The following ULK4 variants were observed in gnomAD, a reference collection of about 807,000 sequenced individuals.
ULK4 encodes unc-51 like kinase 4.
In ULK4, 133 loss-of-function variants were observed where a neutral mutation model predicts 160.6. The ratio of observed to expected loss-of-function variants is 0.83; its 90% confidence interval spans 0.72 to 0.96. ULK4 has a LOEUF of 0.96. ULK4 is among the 40% of genes least tolerant of loss of function. ULK4 has a pLI of 0.00. For missense variants in ULK4, 1,580 were observed against 1,499.5 expected (o/e 1.05, Z -0.89); for synonymous variants, 534 against 539.8 (o/e 0.99, Z 0.15).
intron 31 of ULK4, among the ~76,000 whole-genome samples, chr3:41,614,059 G>T (rs1158758851): frequency 6.6e-6 from 1 of 152,204 alleles, no homozygotes; most frequent in Admixed American, 6.5e-5. Context: ...AGTATACAGA[G>T]ATTAATCAAG....
At chr3:41,768,961 A>G (rs188725183) in intron 21 of ULK4, among the ~76,000 whole-genome samples, 28 of 152,268 alleles carry the variant, frequency 1.8e-4, no homozygotes, top group African/African-American at 6.5e-4. Context: ...ACTGTAAATC[A>G]AAAAAATCCT....
chr3:41,728,022 G>A (rs1237403222), intron 22 of ULK4, among the ~76,000 whole-genome samples: 1 of 152,188 alleles, frequency 6.6e-6, no homozygotes, highest in Non-Finnish European at 1.5e-5. Flanking sequence ...TACTAATATA[G>A]GTAAAGACTG....
chr3:41,516,334 ATGTT>A (rs748006330), intron 32 of ULK4, among the ~76,000 whole-genome samples: 103 of 152,348 alleles, frequency 6.8e-4, no homozygotes, highest in African/African-American at 2.4e-3. Flanking sequence ...ACTTCTATAT[ATGTT>A]TATGAAATTT....
chr3:41,935,581 G>A (rs963732511), intron 4 of ULK4, among the ~76,000 whole-genome samples: 23 of 149,066 alleles, frequency 1.5e-4, no homozygotes, highest in South Asian at 2.1e-4. Flanking sequence ...GGCTGGTCTC[G>A]AACTCCTGAC....
chr3:41,782,087 T>C (rs1473775155), intron 21 of ULK4, among the ~76,000 whole-genome samples: 1 of 152,184 alleles, frequency 6.6e-6, no homozygotes, highest in South Asian at 2.1e-4. Flanking sequence ...CCTTGATAAC[T>C]GGGGCTGCCT....
rs535024851 is a variant in ULK4, at chr3:41,580,960, T to C, written c.3121-14830A>G. Among the ~76,000 whole-genome samples the C allele has an allele frequency of 3.9e-5, 6 of 152,326 alleles. No homozygotes were observed. In the South Asian group the frequency reaches 1.2e-3, roughly 32 times the overall value. On this transcript the variant is annotated intron_variant, in intron 31 of 36. Coordinates refer to ENST00000301831, the MANE Select transcript of ULK4 (RefSeq NM_017886.4). ...AATAATGTCAAATTTTAACAATTCC[T>C]AAGCTTTATGACTACATTCAAACAA...
chr3:41,269,269 C>A (rs748669959), intron 35 of ULK4, among the ~76,000 whole-genome samples: 2 of 152,076 alleles, frequency 1.3e-5, no homozygotes, highest in African/African-American at 2.4e-5. Context: ...AACTTCACTA[C>A]TAATTTCAAT....
intron 18 of ULK4, among the ~76,000 whole-genome samples, chr3:41,825,544 C>A (rs1212909136): frequency 6.6e-6 from 1 of 152,144 alleles, no homozygotes; most frequent in Non-Finnish European, 1.5e-5. Context: ...ATTCGATCAA[C>A]TGGAAGAAAG....
chr3:41,307,242 T>C (rs1468607818), intron 35 of ULK4, among the ~76,000 whole-genome samples: 1 of 151,896 alleles, frequency 6.6e-6, no homozygotes, highest in Non-Finnish European at 1.5e-5. Flanking sequence ...CCCATGCGGC[T>C]ACTCGGCCTG....
chr3:41,417,362 CA>C (rs1470674755), intron 34 of ULK4, among the ~76,000 whole-genome samples: 2 of 152,118 alleles, frequency 1.3e-5, no homozygotes, highest in African/African-American at 4.8e-5. Flanking sequence ...GAAGCTCAGG[CA>C]AGACAAGGTG....
intron 18 of ULK4, among the ~76,000 whole-genome samples, chr3:41,829,337 A>G (rs1274266795): frequency 4.8e-5 from 7 of 146,352 alleles, no homozygotes; most frequent in Non-Finnish European, 7.6e-5. Context: ...AGCAAAAGAA[A>G]CTACCATCAG....
At chr3:41,303,683 C>T (rs2079842755) in intron 35 of ULK4, among the ~76,000 whole-genome samples, 1 of 152,108 alleles carries the variant, frequency 6.6e-6, no homozygotes, top group East Asian at 1.9e-4. Context: ...TGTAAAGGCG[C>T]TTTTTCTGCA....
intron 18 of ULK4, among the ~76,000 whole-genome samples, chr3:41,833,306 T>C (rs1159045145): frequency 6.6e-6 from 1 of 151,192 alleles, no homozygotes; most frequent in African/African-American, 2.4e-5. Context: ...TTTTTGTTTG[T>C]TTGTTTTGAG....
chr3:41,306,512 G>A (rs1207252008), intron 35 of ULK4, among the ~76,000 whole-genome samples: 1 of 150,124 alleles, frequency 6.7e-6, no homozygotes, highest in Non-Finnish European at 1.5e-5. Context: ...CGCCCCATCC[G>A]GGAGGGAGGT....
intron 35 of ULK4, among the ~76,000 whole-genome samples, chr3:41,277,123 A>G (rs1559500455): frequency 6.6e-6 from 1 of 152,226 alleles, no homozygotes; most frequent in East Asian, 1.9e-4. Context: ...ATTACCACCA[A>G]AAAATGTCCA....
chr3:41,409,694 A>G (rs965514896), intron 34 of ULK4, among the ~76,000 whole-genome samples: 6 of 152,176 alleles, frequency 3.9e-5, no homozygotes, highest in African/African-American at 1.4e-4. Context: ...CGCACCTGTA[A>G]TCCCAGCACT....
chr3:41,308,746 A>G (rs2125718038), intron 35 of ULK4, among the ~76,000 whole-genome samples: 1 of 152,336 alleles, frequency 6.6e-6, no homozygotes, highest in East Asian at 1.9e-4. Flanking sequence ...TTCAAAGGAA[A>G]TGCTCATTGG....
chr3:41,248,529 T>TA (rs1300152865), intron 36 of ULK4, among the ~76,000 whole-genome samples: 3 of 152,216 alleles, frequency 2.0e-5, no homozygotes, highest in Non-Finnish European at 4.4e-5. Flanking sequence ...TATCCAGGAT[T>TA]AAATACAAAA....
At chr3:41,384,733 C>T (rs931887265) in intron 35 of ULK4, among the ~76,000 whole-genome samples, 2 of 152,184 alleles carry the variant, frequency 1.3e-5, no homozygotes, top group Middle Eastern at 3.4e-3. Context: ...TATAGGCACC[C>T]GCCATCACTC....
Sources: gnomAD v4.1 joint callset for allele counts (sites outside exome capture counted in the v4.1 genomes callset) on GRCh38, gnomAD v4.1.1 for gene constraint, MANE v1.5 for transcripts, NCBI Gene and HGNC (gene_info 2026-07-23, HGNC 2026-07-21) for gene names.